The following TMEM132B variants were observed in gnomAD, a reference collection of about 807,000 sequenced individuals.
The protein encoded by TMEM132B is transmembrane protein 132B.
Under a neutral mutation model 90.8 loss-of-function variants are expected in TMEM132B, and 18 were observed. The ratio of observed to expected loss-of-function variants is 0.20; its 90% CI spans 0.14 to 0.29. TMEM132B has a LOEUF of 0.29. Among genes scored for constraint, TMEM132B ranks in the 10% least tolerant of loss-of-function variants. The probability of loss-of-function intolerance (pLI) is 1.00; values close to 1 mark genes in which losing one functional copy is unlikely to be tolerated. For synonymous variants in TMEM132B, 504 were observed against 523.3 expected (o/e 0.96, Z 0.50); for missense variants, 1,096 against 1,326.8 (o/e 0.83, Z 2.70).
chr12:125,567,013 T>G (rs760340362), intron 4 of TMEM132B, among the ~76,000 whole-genome samples: 7 of 151,988 alleles, frequency 4.6e-5, no homozygotes, highest in Non-Finnish European at 1.0e-4. Context: ...CGGCTAATTT[T>G]TGTATTTTTT....
chr12:125,475,623 C>T (rs139470064), intron 3 of TMEM132B, among the ~76,000 whole-genome samples: 45 of 152,306 alleles, frequency 3.0e-4, no homozygotes, highest in Non-Finnish European at 3.8e-4. Flanking sequence ...ATGTTTCCTG[C>T]CCTTGAACAT....
intron 2 of TMEM132B, among the ~76,000 whole-genome samples, chr12:125,398,175 C>T (rs1315970248): frequency 6.6e-6 from 1 of 152,148 alleles, no homozygotes; most frequent in Non-Finnish European, 1.5e-5. Flanking sequence ...TGGGATGAGA[C>T]TTTTCTGTGC....
intron 5 of TMEM132B, among the ~76,000 whole-genome samples, chr12:125,632,331 AT>A (rs891231408): frequency 7.2e-5 from 11 of 151,886 alleles, no homozygotes; most frequent in African/African-American, 2.7e-4. Flanking sequence ...TTCTGTTTAT[AT>A]TTTTTTGTAC....
chr12:125,350,388 G>A, intron 2 of TMEM132B, 45 bp downstream of exon 2: 1 of 1,542,884 alleles, frequency 6.5e-7, no homozygotes, highest in Non-Finnish European at 8.7e-7. Flanking sequence ...CCAACTCTTA[G>A]TAATCAATGA....
chr12:125,644,368 C>T, intron 6 of TMEM132B, 87 bp downstream of exon 6: 1 of 1,448,792 alleles, frequency 6.9e-7, no homozygotes, highest in Non-Finnish European at 9.4e-7. Context: ...GGGACTCAAG[C>T]CATTGGGAAG....
intron 5 of TMEM132B, among the ~76,000 whole-genome samples, chr12:125,643,554 T>G (rs773218025): frequency 9.9e-5 from 15 of 152,174 alleles, no homozygotes; most frequent in Admixed American, 5.2e-4. Flanking sequence ...GGGGCAAAAA[T>G]AATTATATCC....
intron 1 of TMEM132B, among the ~76,000 whole-genome samples, chr12:125,203,164 C>T (rs1046971654): frequency 6.6e-6 from 1 of 152,176 alleles, no homozygotes; most frequent in Non-Finnish European, 1.5e-5. Flanking sequence ...CTTCCAGTGC[C>T]TAGAATGCTG....
intron 3 of TMEM132B, among the ~76,000 whole-genome samples, chr12:125,489,879 G>C (rs1343008578): frequency 6.6e-6 from 1 of 152,150 alleles, no homozygotes; most frequent in Admixed American, 6.5e-5. Context: ...TTCTCAGTTG[G>C]TTCTGGAACC....
intron 5 of TMEM132B, among the ~76,000 whole-genome samples, chr12:125,627,599 A>T (rs1464930395): frequency 6.6e-6 from 1 of 152,064 alleles, no homozygotes; most frequent in Non-Finnish European, 1.5e-5. Context: ...CAGGCATGTG[A>T]TGTGTAATAA....
At chr12:125,370,836 G>C (rs1232744947) in intron 2 of TMEM132B, among the ~76,000 whole-genome samples, 1 of 152,230 alleles carries the variant, frequency 6.6e-6, no homozygotes, top group Admixed American at 6.5e-5. Context: ...TCCAATGTTT[G>C]ACTGGTGTAT....
chr12:125,391,051 G>A (rs922508096), intron 2 of TMEM132B, among the ~76,000 whole-genome samples: 1 of 151,098 alleles, frequency 6.6e-6, no homozygotes, highest in African/African-American at 2.4e-5. Context: ...GTGTGTGTGT[G>A]TGTGTGTGTG....
At chr12:125,191,660 C>T (rs186361398) in intron 1 of TMEM132B, among the ~76,000 whole-genome samples, 11 of 152,254 alleles carry the variant, frequency 7.2e-5, no homozygotes, top group Admixed American at 4.6e-4. Context: ...AATGTATTAA[C>T]GCAAACTAAG....
intron 1 of TMEM132B, among the ~76,000 whole-genome samples, chr12:125,331,525 A>G (rs541243184): frequency 6.6e-6 from 1 of 152,130 alleles, no homozygotes; most frequent in Non-Finnish European, 1.5e-5. Context: ...TGAAATCTGG[A>G]ACCAGCTCAC....
intron 3 of TMEM132B, among the ~76,000 whole-genome samples, chr12:125,453,862 G>A (rs571607411): frequency 1.3e-5 from 2 of 152,218 alleles, no homozygotes; most frequent in East Asian, 1.9e-4. Flanking sequence ...GGTGTGTACC[G>A]ACTCTGCTTG....
intron 4 of TMEM132B, among the ~76,000 whole-genome samples, chr12:125,554,427 T>TAAAAA (rs71447048): frequency 1.4e-5 from 1 of 69,478 alleles, no homozygotes; most frequent in African/African-American, 5.0e-5. Flanking sequence ...TCCATTTCAT[T>TAAAAA]AAAAAAAAAA....
chr12:125,470,950 C>T (rs775232459), intron 3 of TMEM132B, among the ~76,000 whole-genome samples: 19 of 152,236 alleles, frequency 1.2e-4, no homozygotes, highest in African/African-American at 2.9e-4. Flanking sequence ...CCGGCTGCAC[C>T]GAAATTACCT....
intron 6 of TMEM132B, among the ~76,000 whole-genome samples, chr12:125,649,705 AT>A (rs1361835963): frequency 6.6e-6 from 1 of 152,160 alleles, no homozygotes; most frequent in East Asian, 1.9e-4. Flanking sequence ...CCCTGACAGA[AT>A]CCCCAGGCAC....
chr12:125,381,109 CCCATTCCAGCT>C (rs1449719563), intron 2 of TMEM132B, among the ~76,000 whole-genome samples: 2 of 152,196 alleles, frequency 1.3e-5, no homozygotes, highest in East Asian at 3.9e-4. Context: ...CAGCCTTAGC[CCCATTCCAGCT>C]CTGTGGAGTT....
At position 125,519,690 on chromosome 12, in the gene TMEM132B, T is replaced by C. The variant is rs971345950; in HGVS notation, c.1293+65T>C. The C allele has an allele frequency of 6.6e-6, 10 of 1,507,644 alleles. No homozygotes were observed. The African/African-American group carries it at 1.2e-4, about 19-fold the overall frequency. The allele number at this position is 1,507,644 out of a possible 1,614,324, so 93.4% of individuals were successfully genotyped here. On this transcript the variant is annotated intron_variant, in intron 4 of 8. Coordinates refer to ENST00000682704, the MANE Select transcript of TMEM132B (RefSeq NM_001366854.1). ...AGTTTTCTTTAAACATGATGCACTG[T>C]ATAATCTGTTATTTTCCACATACCT... is the stretch of plus-strand genomic sequence containing the variant.
Sources: gnomAD v4.1 joint callset for allele counts (sites outside exome capture counted in the v4.1 genomes callset) on GRCh38, gnomAD v4.1.1 for gene constraint, MANE v1.5 for transcripts, NCBI Gene and HGNC (gene_info 2026-07-23, HGNC 2026-07-21) for gene names.